MDGA2: variants seen among roughly 807,000 people sequenced by gnomAD.
MDGA2 encodes the protein MAM domain-containing glycosylphosphatidylinositol anchor protein 2.
A neutral mutation model predicts 117.8 loss-of-function variants in MDGA2; 40 were observed. The ratio of observed to expected loss-of-function variants is 0.34; its 90% CI spans 0.26 to 0.44. The LOEUF is 0.44. Ranked by LOEUF, MDGA2 falls within the 20% of genes least tolerant of loss-of-function variation. MDGA2 has a pLI of 1.00. For missense variants in MDGA2, 1,123 were observed against 1,250.6 expected, an observed-to-expected ratio of 0.90 and a Z score of 1.54; for synonymous variants, 452 against 439.0, an observed-to-expected ratio of 1.03 and a Z score of -0.37.
At chr14:47,053,692 T>C (rs1487950210) in intron 7 of MDGA2, among the ~76,000 whole-genome samples, 1 of 147,914 alleles carries the variant, frequency 6.8e-6, no homozygotes, top group Non-Finnish European at 1.5e-5. Flanking sequence ...CACACACACA[T>C]ATATGTCTGA....
chr14:47,035,020 T>C lies in MDGA2; in HGVS notation c.1810A>G (p.Ile604Val), dbSNP rs1566584935. 2.5e-6 allele frequency: 4 copies of C among 1,612,576 alleles called. No homozygotes were observed. The highest frequency in any genetic ancestry group is 3.4e-6 in the Non-Finnish European group (4 of 1,179,070). Reference protein sequence around the residue: ...VKPREALVQLIVQYPPAVEPA... With the variant: ...VKPREALVQLVVQYPPAVEPA... The stretch of plus-strand genomic sequence containing the variant: ...AAGGGAATTTACTTACACTGAACGA[T>C]GAGCTGCACCAAGGCTTCCCTTGGT... The change falls in exon 8 of 17, where the codon ATC (isoleucine) becomes GTC (valine). Residue 604 changes from isoleucine (I) to valine (V), a missense_variant. Physicochemically the swap from Ile to Val is conservative, Grantham distance 29. Coordinates refer to ENST00000399232, the MANE Select transcript of MDGA2 (RefSeq NM_001113498.3).
intron 2 of MDGA2, among the ~76,000 whole-genome samples, chr14:47,242,673 C>T (rs572587852): frequency 6.6e-6 from 1 of 151,946 alleles, no homozygotes; most frequent in African/African-American, 2.4e-5. Context: ...CCTTGGCTGC[C>T]TTCCCGCAGG....
chr14:46,934,825 G>T (rs531273042), intron 9 of MDGA2, among the ~76,000 whole-genome samples: 1 of 151,998 alleles, frequency 6.6e-6, no homozygotes, highest in East Asian at 1.9e-4. Flanking sequence ...ATTAATACAC[G>T]GTGTATGTCA....
intron 3 of MDGA2, among the ~76,000 whole-genome samples, chr14:47,167,751 T>A (rs1883943998): frequency 6.6e-6 from 1 of 152,170 alleles, no homozygotes; most frequent in South Asian, 2.1e-4. Context: ...ATTTCTTATT[T>A]GACAAGTGAG....
At chr14:46,878,070 A>T (rs903177915) in intron 11 of MDGA2, among the ~76,000 whole-genome samples, 1 of 152,000 alleles carries the variant, frequency 6.6e-6, no homozygotes, top group Non-Finnish European at 1.5e-5. Flanking sequence ...AAATATACAC[A>T]TACATATACA....
chr14:47,033,328 T>C (rs1888728555), intron 8 of MDGA2, among the ~76,000 whole-genome samples: 1 of 39,204 alleles, frequency 2.6e-5, no homozygotes, highest in Admixed American at 2.8e-4. Flanking sequence ...TAGGTTTTAC[T>C]AGTATCAGCT....
At chr14:47,490,934 C>A (rs1894155817) in intron 1 of MDGA2, among the ~76,000 whole-genome samples, 1 of 152,010 alleles carries the variant, frequency 6.6e-6, no homozygotes, top group Admixed American at 6.6e-5. Context: ...TAAGAGGGAA[C>A]AACATTTCAC....
At chr14:47,604,496 CACCCT>C (rs1896706890) in intron 1 of MDGA2, among the ~76,000 whole-genome samples, 3 of 133,748 alleles carry the variant, frequency 2.2e-5, no homozygotes, top group African/African-American at 2.8e-5. Flanking sequence ...CACCCCCCCC[CACCCT>C]CACCCCCCTA....
Position 47,153,379 on chromosome 14 carries a change from A to G in MDGA2, c.596-9105T>C, listed in dbSNP as rs535169790. 1.1e-3 allele frequency among the ~76,000 whole-genome samples: 167 copies of G among 152,292 alleles called. 1 individual carries two copies. Among genetic ancestry groups the G allele is most frequent in the Admixed American group, 3.1e-3 (47 of 15,288 alleles). On this transcript the variant is annotated intron_variant, in intron 3 of 16. Coordinates refer to ENST00000399232, the MANE Select transcript of MDGA2 (RefSeq NM_001113498.3). ...AAGGTGGGAGTTAAAAAAGGTCTCTAAGGACCTGGATTTGGCAGTTGGGTA... is the reference window on the plus strand; with the variant it reads ...AAGGTGGGAGTTAAAAAAGGTCTCTGAGGACCTGGATTTGGCAGTTGGGTA...
chr14:47,053,644 TATATATATATAC>T (rs1304449116), intron 7 of MDGA2, among the ~76,000 whole-genome samples: 650 of 38,878 alleles, frequency 0.017, 8 homozygotes, highest in African/African-American at 0.05. Flanking sequence ...TATATATATA[TATATATATATAC>T]ACACACACAC....
chr14:46,977,163 C>T (rs564414811), intron 8 of MDGA2, among the ~76,000 whole-genome samples: 2 of 151,622 alleles, frequency 1.3e-5, no homozygotes, highest in Non-Finnish European at 3.0e-5. Flanking sequence ...TATGTATCAT[C>T]AAGCTCCAAG....
intron 1 of MDGA2, among the ~76,000 whole-genome samples, chr14:47,394,806 T>A (rs891539640): frequency 1.3e-5 from 2 of 152,208 alleles, no homozygotes; most frequent in Admixed American, 6.5e-5. Flanking sequence ...TATTAGAAAG[T>A]TTTAAAATGA....
At chr14:47,656,531 G>A (rs749863078) in intron 1 of MDGA2, among the ~76,000 whole-genome samples, 41 of 152,122 alleles carry the variant, frequency 2.7e-4, no homozygotes, top group Non-Finnish European at 5.4e-4. Context: ...AAGTGGCTGC[G>A]GTAAAAATAA....
At chr14:47,300,976 T>G (rs1165437497) in intron 2 of MDGA2, among the ~76,000 whole-genome samples, 2 of 152,156 alleles carry the variant, frequency 1.3e-5, no homozygotes, top group African/African-American at 4.8e-5. Flanking sequence ...GTAAGAAAAG[T>G]ATGTGTGACC....
At chr14:46,893,432 CACAGA>C (rs1340618330) in intron 10 of MDGA2, among the ~76,000 whole-genome samples, 5 of 151,674 alleles carry the variant, frequency 3.3e-5, no homozygotes, top group Non-Finnish European at 7.4e-5. Context: ...AGAGATTAAT[CACAGA>C]ACAGAAGGAC....
At chr14:47,053,081 A>G (rs138680358) in intron 7 of MDGA2, among the ~76,000 whole-genome samples, 1 of 152,092 alleles carries the variant, frequency 6.6e-6, no homozygotes, top group East Asian at 1.9e-4. Context: ...AGAAGTACTG[A>G]AGGCTGTGAA....
chr14:46,957,240 A>C (rs947563090), intron 9 of MDGA2, 134 bp downstream of exon 9: 4 of 826,914 alleles, frequency 4.8e-6, no homozygotes, highest in Middle Eastern at 7.4e-4. Flanking sequence ...ATTTGTAGAA[A>C]CTCTAACTTG....
intron 1 of MDGA2, among the ~76,000 whole-genome samples, chr14:47,628,741 C>G (rs939354499): frequency 1.3e-5 from 2 of 152,226 alleles, no homozygotes; most frequent in Non-Finnish European, 2.9e-5. Flanking sequence ...AGCCAGACTC[C>G]CCTTCAAGAA....
At position 47,204,636 on chromosome 14, in the gene MDGA2, C is replaced by A. The variant is rs17118153; in HGVS notation, c.595+13385G>T. Among the ~76,000 whole-genome samples the A allele has an allele frequency of 7.8e-3, 1,188 of 151,956 alleles. 17 individuals are homozygous for A. The highest frequency in any genetic ancestry group is 0.027 in the African/African-American group (1,138 of 41,492). On this transcript the variant is annotated intron_variant, in intron 3 of 16. Transcript: ENST00000399232. The stretch of plus-strand genomic sequence containing the variant: ...TAGTATTATTCTGTTAACAGTGGAA[C>A]TTCAAAAAGGTGTGCTCACTGAATG...
Sources: gnomAD v4.1 joint callset for allele counts (sites outside exome capture counted in the v4.1 genomes callset) on GRCh38, gnomAD v4.1.1 for gene constraint, MANE v1.5 for transcripts, NCBI Gene and HGNC (gene_info 2026-07-23, HGNC 2026-07-21) for gene names.